SLC16A10: variants seen among roughly 807,000 people sequenced by gnomAD.
SLC16A10 encodes monocarboxylate transporter 10.
SLC16A10 carries 27 observed loss-of-function variants against 40.0 expected under a neutral mutation model. That is an observed-to-expected ratio of 0.67 (90% confidence interval 0.50 to 0.93). The LOEUF is 0.93. Ranked by LOEUF, SLC16A10 falls within the 40% of genes least tolerant of loss-of-function variation. SLC16A10 has a pLI of 0.00. For missense variants in SLC16A10, 529 were observed against 658.2 expected, an observed-to-expected ratio of 0.80 and a Z score of 2.15; for synonymous variants, 213 against 249.8, an observed-to-expected ratio of 0.85 and a Z score of 1.39.
intron 1 of SLC16A10, among the ~76,000 whole-genome samples, chr6:111,108,874 A>G (rs1771334513): frequency 6.6e-6 from 1 of 152,208 alleles, no homozygotes; most frequent in South Asian, 2.1e-4. Context: ...TCCCGGAGAT[A>G]AAGTAATTCA....
In SLC16A10 at chr6:111,140,487, A is replaced by C. The variant is rs1213894718; in HGVS notation, c.344-32208A>C. 2.6e-5 allele frequency among the ~76,000 whole-genome samples: 4 copies of C among 151,858 alleles called. No homozygotes were observed. In the East Asian group the frequency reaches 7.7e-4, roughly 29 times the overall value. On this transcript the variant is annotated intron_variant, in intron 1 of 5. Coordinates refer to ENST00000368851, the MANE Select transcript of SLC16A10 (RefSeq NM_018593.5). ...CCAAAAAAAAAAAGAAAAGGAACAGAATGTTACCAGCCCAACTGCACTTCT... is the reference window on the plus strand; with the variant it reads ...CCAAAAAAAAAAAGAAAAGGAACAGCATGTTACCAGCCCAACTGCACTTCT...
chr6:111,181,203 G>A (rs1484797174), intron 3 of SLC16A10, among the ~76,000 whole-genome samples: 4 of 133,670 alleles, frequency 3.0e-5, no homozygotes, highest in Non-Finnish European at 4.7e-5. Flanking sequence ...TGACAAGAGC[G>A]AAACTCCATC....
At chr6:111,190,776 G>GCACACAGCAGGGGGGC (rs1283511037) in intron 3 of SLC16A10, among the ~76,000 whole-genome samples, 48 of 152,312 alleles carry the variant, frequency 3.2e-4, no homozygotes, top group African/African-American at 9.1e-4. Flanking sequence ...TCCCTAAGCT[G>GCACACAGCAGGGGGGC]CACACAGCAG....
intron 1 of SLC16A10, among the ~76,000 whole-genome samples, chr6:111,155,398 C>T (rs1022824355): frequency 6.6e-6 from 1 of 151,770 alleles, no homozygotes; most frequent in African/African-American, 2.4e-5. Flanking sequence ...CAGGGTCTCC[C>T]TAGATTGTCC....
At position 111,087,818 on chromosome 6, in the gene SLC16A10, C is replaced by A; in HGVS notation, c.66C>A (p.Pro22=). ...RGTSEAQPLG[P]APTGAAPPPG... is the part of the protein sequence containing the mutation. ...CGAGCGAGGCGCAGCCGCTCGGCCC[C>A]GCGCCCACGGGGGCCGCTCCGCCGC... is the stretch of plus-strand genomic sequence containing the variant. The change falls in exon 1 of 6, where the codon CCC becomes CCA. Residue 22 remains proline (P), a synonymous_variant. Coordinates refer to ENST00000368851, the MANE Select transcript of SLC16A10 (RefSeq NM_018593.5). 1 of 1,331,524 alleles carries A rather than the reference C, an allele frequency of 7.5e-7. No homozygotes were observed. Among genetic ancestry groups the A allele is most frequent in the South Asian group, 2.3e-5 (1 of 42,878 alleles). 82.5% of individuals were successfully genotyped at this position (1,331,524 alleles called of 1,614,324 possible).
chr6:111,215,094 G>A (rs1386174844), intron 4 of SLC16A10, among the ~76,000 whole-genome samples: 1 of 151,810 alleles, frequency 6.6e-6, no homozygotes, highest in East Asian at 1.9e-4. Context: ...ACTCCAGCCT[G>A]GGTGACAGAG....
chr6:111,145,531 C>T (rs898791247), intron 1 of SLC16A10, among the ~76,000 whole-genome samples: 1 of 152,024 alleles, frequency 6.6e-6, no homozygotes, highest in Non-Finnish European at 1.5e-5. Flanking sequence ...TGCATAGCCA[C>T]AGGAAAAAGA....
intron 1 of SLC16A10, among the ~76,000 whole-genome samples, chr6:111,152,180 AT>A (rs1772184066): frequency 6.6e-6 from 1 of 152,080 alleles, no homozygotes. Flanking sequence ...TAAATGCTGT[AT>A]TTTTCTCCAT....
intron 1 of SLC16A10, among the ~76,000 whole-genome samples, chr6:111,139,905 A>G (rs1168908690): frequency 6.6e-6 from 1 of 152,150 alleles, no homozygotes; most frequent in African/African-American, 2.4e-5. Context: ...CTTTTTCTCT[A>G]CAACCTCGCC....
intron 1 of SLC16A10, among the ~76,000 whole-genome samples, chr6:111,160,941 A>G (rs567786603): frequency 6.6e-6 from 1 of 152,076 alleles, no homozygotes; most frequent in Non-Finnish European, 1.5e-5. Context: ...GTAGGTATGT[A>G]GCCTGGCATG....
At chr6:111,208,584 A>G (rs1197895988) in intron 4 of SLC16A10, among the ~76,000 whole-genome samples, 1 of 152,036 alleles carries the variant, frequency 6.6e-6, no homozygotes, top group Non-Finnish European at 1.5e-5. Context: ...TCTCAGAGAA[A>G]AAAAAAAAAT....
chr6:111,098,684 A>T (rs1771121272), intron 1 of SLC16A10, among the ~76,000 whole-genome samples: 1 of 152,212 alleles, frequency 6.6e-6, no homozygotes, highest in Admixed American at 6.5e-5. Context: ...TTTCATCTTA[A>T]TTATCCTTTT....
intron 1 of SLC16A10, among the ~76,000 whole-genome samples, chr6:111,151,472 C>T (rs142436994): frequency 6.6e-6 from 1 of 152,294 alleles, no homozygotes; most frequent in Non-Finnish European, 1.5e-5. Flanking sequence ...AAATCGGTCT[C>T]CTTGGATATC....
chr6:111,146,906 T>A (rs1562412792), intron 1 of SLC16A10, among the ~76,000 whole-genome samples: 1 of 152,078 alleles, frequency 6.6e-6, no homozygotes, highest in South Asian at 2.1e-4. Flanking sequence ...TGATCCAATA[T>A]GGATGGACCT....
intron 3 of SLC16A10, among the ~76,000 whole-genome samples, chr6:111,187,533 G>A (rs1324890376): frequency 3.3e-5 from 5 of 152,198 alleles, no homozygotes; most frequent in African/African-American, 1.2e-4. Flanking sequence ...TAGTTAAGTT[G>A]CTTGCCAAAA....
intron 1 of SLC16A10, among the ~76,000 whole-genome samples, chr6:111,126,112 C>T (rs1412904229): frequency 6.6e-6 from 1 of 152,124 alleles, no homozygotes; most frequent in Admixed American, 6.5e-5. Flanking sequence ...CGATAGTGCC[C>T]ATTTCTAAAT....
Position 111,087,918 on chromosome 6 carries a change from G to A in SLC16A10, c.166G>A (p.Ala56Thr). ...VEVELAGPAT[A>T]EPHEPPEPPE... ...GGTGGAGCTGGCGGGGCCGGCGACC[G>A]CGGAGCCCCATGAGCCCCCCGAACC... The change falls in exon 1 of 6, where the codon GCG (alanine) becomes ACG (threonine). Residue 56 changes from alanine to threonine, a missense_variant. By Grantham distance (58) the Ala-to-Thr change is moderately conservative. Coordinates refer to ENST00000368851, the MANE Select transcript of SLC16A10 (RefSeq NM_018593.5). 1 of 1,590,838 alleles carries A rather than the reference G, an allele frequency of 6.3e-7. No individual in the cohort carries two copies. Among genetic ancestry groups the A allele is most frequent in the African/African-American group, 1.4e-5 (1 of 73,756 alleles).
At chr6:111,219,590 C>A (rs1770850208) in intron 5 of SLC16A10, among the ~76,000 whole-genome samples, 1 of 151,152 alleles carries the variant, frequency 6.6e-6, no homozygotes, top group African/African-American at 2.4e-5. Flanking sequence ...GATCATACAT[C>A]CCCCTGAGGA....
chr6:111,088,811 A>G (rs933621911), intron 1 of SLC16A10, among the ~76,000 whole-genome samples: 1 of 149,804 alleles, frequency 6.7e-6, no homozygotes, highest in Non-Finnish European at 1.5e-5. Flanking sequence ...CAAAAGGTGC[A>G]GATTCAGCGT....
Sources: allele counts gnomAD v4.1 joint callset (sites outside exome capture counted in the v4.1 genomes callset), GRCh38; gene constraint gnomAD v4.1.1; transcripts MANE v1.5; gene names NCBI Gene and HGNC (gene_info 2026-07-23, HGNC 2026-07-21).